The following EYS variants were observed in gnomAD, a reference collection of about 807,000 sequenced individuals.
The protein encoded by EYS is EGF-like photoreceptor maintenance factor.
A neutral mutation model predicts 282.1 loss-of-function variants in EYS; 250 were observed. The ratio of observed to expected loss-of-function variants is 0.89; its 90% CI spans 0.80 to 0.98. The LOEUF is 0.98. Among genes scored for constraint, EYS ranks in the 50% least tolerant of loss-of-function variants. The pLI is 0.00. For missense variants in EYS, 4,016 were observed against 3,709.0 expected (o/e 1.08, Z -2.15); for synonymous variants, 1,355 against 1,282.9 (o/e 1.06, Z -1.20).
At chr6:63,760,481 T>A (rs979290644) in intron 41 of EYS, among the ~76,000 whole-genome samples, 1 of 152,048 alleles carries the variant, frequency 6.6e-6, no homozygotes, top group South Asian at 2.1e-4. Context: ...ACCAAATTGT[T>A]ATTTTATAGA....
At position 65,649,947 on chromosome 6, in the gene EYS, A is replaced by G. The variant is rs550259727; in HGVS notation, c.-447-10055T>C. ...AATTTCATTAAAAATGCATTCTAAA[A>G]TATTAGTTAAATATACACTACTTAA... On this transcript the variant is annotated intron_variant, in intron 1 of 42. Coordinates refer to ENST00000503581, the MANE Select transcript of EYS (RefSeq NM_001142800.2). Among the ~76,000 whole-genome samples the G allele has an allele frequency of 3.3e-5, 5 of 152,318 alleles. No individual in the cohort carries two copies. In the South Asian group the frequency reaches 8.3e-4, roughly 25 times the overall value.
intron 19 of EYS, among the ~76,000 whole-genome samples, chr6:64,870,970 C>CT: frequency 6.6e-6 from 1 of 151,834 alleles, no homozygotes; most frequent in Non-Finnish European, 1.5e-5. Context: ...CCAACATACA[C>CT]ACTGTGGAAG....
intron 29 of EYS, among the ~76,000 whole-genome samples, chr6:64,367,787 C>T (rs994571097): frequency 3.9e-5 from 6 of 152,054 alleles, no homozygotes; most frequent in African/African-American, 1.4e-4. Flanking sequence ...CTTCCCACAG[C>T]TCTTCCACAA....
At chr6:64,817,490 C>T (rs1003777021) in intron 21 of EYS, among the ~76,000 whole-genome samples, 12 of 152,212 alleles carry the variant, frequency 7.9e-5, no homozygotes, top group Admixed American at 2.6e-4. Context: ...CTCATGTGTG[C>T]GTACTCAGTT....
chr6:65,558,286 G>A (rs1768896803), intron 2 of EYS, among the ~76,000 whole-genome samples: 1 of 152,214 alleles, frequency 6.6e-6, no homozygotes, highest in Admixed American at 6.5e-5. Flanking sequence ...GGGGGTCAAG[G>A]CGGCAGTAGG....
chr6:64,496,869 C>G (rs1186310942), intron 26 of EYS, among the ~76,000 whole-genome samples: 1 of 151,970 alleles, frequency 6.6e-6, no homozygotes, highest in African/African-American at 2.4e-5. Flanking sequence ...ATTGGATTCT[C>G]TATTTTACAA....
intron 24 of EYS, among the ~76,000 whole-genome samples, chr6:64,608,726 C>T (rs377582012): frequency 5.1e-4 from 78 of 152,242 alleles, no homozygotes; most frequent in African/African-American, 1.8e-3. Context: ...TTATTCAGCC[C>T]TGACAGGGGC....
chr6:63,801,851 T>A (rs1426568492), intron 37 of EYS, among the ~76,000 whole-genome samples: 2 of 152,228 alleles, frequency 1.3e-5, no homozygotes, highest in Non-Finnish European at 2.9e-5. Flanking sequence ...TCATCAGTGT[T>A]GTCCCCTTGC....
At chr6:65,649,173 C>CTTAA (rs1449959512) in intron 1 of EYS, among the ~76,000 whole-genome samples, 40 of 144,014 alleles carry the variant, frequency 2.8e-4, no homozygotes, top group Non-Finnish European at 4.9e-4. Context: ...AAAAGAAAAA[C>CTTAA]TTAAACAATA....
chr6:63,751,817 G>A (rs976746469), intron 41 of EYS, among the ~76,000 whole-genome samples: 2 of 152,112 alleles, frequency 1.3e-5, no homozygotes, highest in African/African-American at 2.4e-5. Flanking sequence ...ACTTTCCTCA[G>A]GACTCAGATG....
At chr6:64,833,114 T>A (rs1765274431) in intron 19 of EYS, among the ~76,000 whole-genome samples, 1 of 151,914 alleles carries the variant, frequency 6.6e-6, no homozygotes. Context: ...CTGTTTCTGA[T>A]TATGCATACC....
At chr6:64,796,666 C>G (rs1474632138) in intron 22 of EYS, among the ~76,000 whole-genome samples, 1 of 152,110 alleles carries the variant, frequency 6.6e-6, no homozygotes, top group Non-Finnish European at 1.5e-5. Context: ...ATCCAAACTT[C>G]CATATTTGGT....
chr6:64,117,881 A>G (rs1434800107), intron 31 of EYS, among the ~76,000 whole-genome samples: 1 of 152,072 alleles, frequency 6.6e-6, no homozygotes, highest in African/African-American at 2.4e-5. Context: ...ATCAACATAC[A>G]AAAATAAGTA....
At chr6:65,113,279 AT>A (rs1236739413) in intron 12 of EYS, among the ~76,000 whole-genome samples, 1 of 152,084 alleles carries the variant, frequency 6.6e-6, no homozygotes, top group East Asian at 1.9e-4. Context: ...TGCTATTGAA[AT>A]TTAGGAAAAA....
chr6:65,434,753 T>C (rs573704790), intron 5 of EYS, among the ~76,000 whole-genome samples: 14 of 152,322 alleles, frequency 9.2e-5, no homozygotes, highest in South Asian at 2.1e-4. Flanking sequence ...GCTAGAAACA[T>C]TGACATATGC....
intron 26 of EYS, among the ~76,000 whole-genome samples, chr6:64,467,298 A>C (rs992100570): frequency 6.6e-6 from 1 of 152,210 alleles, no homozygotes; most frequent in Non-Finnish European, 1.5e-5. Flanking sequence ...AAGATTTTAA[A>C]ATAGCTAGAA....
At chr6:65,033,573 T>G (rs763464836) in intron 13 of EYS, among the ~76,000 whole-genome samples, 1 of 152,144 alleles carries the variant, frequency 6.6e-6, no homozygotes, top group Non-Finnish European at 1.5e-5. Context: ...TTCTGGAGAA[T>G]GCAAGTCAAA....
intron 16 of EYS, among the ~76,000 whole-genome samples, chr6:64,910,482 G>A (rs1239661278): frequency 1.3e-5 from 2 of 151,970 alleles, no homozygotes; most frequent in African/African-American, 2.4e-5. Context: ...GAAAAACATA[G>A]ATGCAAATTA....
chr6:64,644,186 G>A (rs1303652852), intron 22 of EYS, among the ~76,000 whole-genome samples: 1 of 152,156 alleles, frequency 6.6e-6, no homozygotes, highest in African/African-American at 2.4e-5. Flanking sequence ...ATACAAGGGA[G>A]CAGAGTCAAA....
Sources: gnomAD v4.1 joint callset for allele counts (sites outside exome capture counted in the v4.1 genomes callset) on GRCh38, gnomAD v4.1.1 for gene constraint, MANE v1.5 for transcripts, NCBI Gene and HGNC (gene_info 2026-07-23, HGNC 2026-07-21) for gene names.